The following NRK variants were observed in gnomAD, a reference collection of about 807,000 sequenced individuals.
NRK encodes Nik related kinase.
Under a neutral mutation model 125.2 loss-of-function variants are expected in NRK, and 67 were observed. That is an observed-to-expected ratio of 0.54 (90% confidence interval 0.44 to 0.66). NRK has a LOEUF of 0.66. NRK is among the 30% of genes least tolerant of loss of function. NRK has a pLI of 0.00. For synonymous variants in NRK, 458 were observed against 429.0 expected, an observed-to-expected ratio of 1.07 and a Z score of -0.84; for missense variants, 1,224 against 1,192.9, an observed-to-expected ratio of 1.03 and a Z score of -0.38.
Position 105,909,322 on chromosome X carries a change from G to A in NRK, c.1681G>A (p.Val561Ile). Reference protein sequence around the residue: ...EQNQAPEQPEVQEQAAEPAQA... With the variant: ...EQNQAPEQPEIQEQAAEPAQA... ...GAACCAGGCACCTGAACAGCCAGAGGTACAGGAACAGGCTGCCGAGCCTGC... is the reference window on the plus strand; with the variant it reads ...GAACCAGGCACCTGAACAGCCAGAGATACAGGAACAGGCTGCCGAGCCTGC... Residue 561 changes from valine to isoleucine, a missense_variant, in exon 13 of 29, where the codon GTA becomes ATA. Coordinates refer to ENST00000243300, the MANE Select transcript of NRK (RefSeq NM_198465.4). 1 of 1,206,307 alleles carries A rather than the reference G, an allele frequency of 8.3e-7. No individual in the cohort carries two copies. The highest frequency in any genetic ancestry group is 1.8e-5 in the South Asian group (1 of 56,281).
At chrX:105,940,092 A>G in intron 23 of NRK, 60 bp downstream of exon 23, 2 of 839,179 alleles carry the variant, frequency 2.4e-6, no homozygotes, top group Non-Finnish European at 3.4e-6. Context: ...CATTTGGTGA[A>G]CTACATAATT....
intron 7 of NRK, among the ~76,000 whole-genome samples, chrX:105,895,935 T>C (rs1367963707): frequency 8.9e-6 from 1 of 112,196 alleles, no homozygotes; most frequent in Non-Finnish European, 1.9e-5. Context: ...TTCTCAAGAA[T>C]ATCAAATAAC....
chrX:105,835,723 CTT>C (rs768824011), intron 2 of NRK, among the ~76,000 whole-genome samples: 35 of 108,638 alleles, frequency 3.2e-4, no homozygotes, highest in African/African-American at 1.1e-3. Context: ...GGGCTTAAGA[CTT>C]TTATTCATGA....
At chrX:105,832,471 C>T (rs1002100434) in intron 2 of NRK, among the ~76,000 whole-genome samples, 1 of 111,038 alleles carries the variant, frequency 9.0e-6, no homozygotes, top group Non-Finnish European at 1.9e-5. Context: ...TCTTTTTCCC[C>T]AGGCCTGTTG....
At chrX:105,835,846 A>G (rs1020225266) in intron 2 of NRK, among the ~76,000 whole-genome samples, 7 of 110,881 alleles carry the variant, frequency 6.3e-5, no homozygotes, top group African/African-American at 2.0e-4. Flanking sequence ...TCCTGTGTCT[A>G]TGGCTTCCAA....
intron 4 of NRK, among the ~76,000 whole-genome samples, chrX:105,885,766 G>C (rs1008414030): frequency 7.2e-5 from 8 of 111,780 alleles, no homozygotes; most frequent in African/African-American, 2.6e-4. Context: ...GTATAGTTCT[G>C]ATAGCGCTCG....
chrX:105,896,659 G>A (rs1320704544), intron 7 of NRK, among the ~76,000 whole-genome samples: 1 of 109,973 alleles, frequency 9.1e-6, no homozygotes, highest in African/African-American at 3.3e-5. Flanking sequence ...GGGCAACATA[G>A]CAAGACCCTA....
chrX:105,946,462 A>G lies in NRK; in HGVS notation c.4351A>G (p.Asn1451Asp). 8.6e-7 allele frequency: 1 copy of G among 1,167,840 alleles called. No homozygotes were observed. Among genetic ancestry groups the G allele is most frequent in the Non-Finnish European group, 1.2e-6 (1 of 862,719 alleles). Reference sequence around the variant, plus strand: ...TATGTCTGATGTGACCCTGCCAAAGAATGTAAGATAACACCTTCAGATTCC... The same window carrying G: ...TATGTCTGATGTGACCCTGCCAAAGGATGTAAGATAACACCTTCAGATTCC... Reference protein sequence around the residue: ...EVMSDVTLPKNPLEIIIPQNI... With the variant: ...EVMSDVTLPKDPLEIIIPQNI... Residue 1451 changes from asparagine to aspartate, a missense_variant and splice_region_variant, in exon 26 of 29, where the codon AAT becomes GAT. Physicochemically the swap from Asn to Asp is conservative, Grantham distance 23. Transcript: ENST00000243300.
chrX:105,950,536 G>C (rs1226573129), intron 27 of NRK, among the ~76,000 whole-genome samples: 1 of 83,932 alleles, frequency 1.2e-5, no homozygotes, highest in Non-Finnish European at 2.2e-5. Flanking sequence ...CAGTGTGTGT[G>C]TGTGTGTGTG....
At chrX:105,910,194 ATTAC>A (rs1310656112) in intron 13 of NRK, among the ~76,000 whole-genome samples, 2 of 112,271 alleles carry the variant, frequency 1.8e-5, no homozygotes, top group East Asian at 5.6e-4. Flanking sequence ...ATCTTTAAAA[ATTAC>A]TTTCATAGCT....
rs1407667614 is a variant in NRK at position 105,881,765 on chromosome X, G to T, written c.238G>T (p.Gly80Trp). Residue 80 changes from glycine (G) to tryptophan (W), a missense_variant, in exon 4 of 29, where the codon GGG becomes TGG. Coordinates refer to ENST00000243300, the MANE Select transcript of NRK (RefSeq NM_198465.4). ...VRVNKYQKSV[G>W]WRYSDEEEDL... ...AGTGAATAAATATCAAAAATCTGTTGGGTGGAGATACAGTGTGAGTACTAA... is the reference window on the plus strand; with the variant it reads ...AGTGAATAAATATCAAAAATCTGTTTGGTGGAGATACAGTGTGAGTACTAA... The T allele has an allele frequency of 4.5e-6, 5 of 1,121,856 alleles. No homozygotes were observed. The South Asian group carries it at 5.8e-5, about 13-fold the overall frequency. 92.5% of individuals were successfully genotyped at this position (1,121,856 alleles called of 1,213,427 possible).
chrX:105,919,238 TTC>T (rs770376850), intron 16 of NRK, among the ~76,000 whole-genome samples: 1 of 110,680 alleles, frequency 9.0e-6, no homozygotes, highest in East Asian at 2.9e-4. Context: ...GACCTGAGTT[TTC>T]TCTTAGTGAA....
In NRK at chrX:105,915,318, A is replaced by C. The variant is rs769828206; in HGVS notation, c.2350-412A>C. On this transcript the variant is annotated intron_variant, in intron 14 of 28. Coordinates refer to ENST00000243300, the MANE Select transcript of NRK (RefSeq NM_198465.4). ...AAGAATTAGAACTTAAATTCTGAGT[A>C]AGAAGTTTAAACTTGATATAAAAAG... 5.4e-5 allele frequency among the ~76,000 whole-genome samples: 6 copies of C among 111,106 alleles called. No homozygotes were observed. In the East Asian group the frequency reaches 1.1e-3, roughly 21 times the overall value.
At position 105,843,977 on chromosome X, in the gene NRK, CTGTG is replaced by C. The variant is rs751188822; in HGVS notation, c.123+12896_123+12899del. On this transcript the variant is annotated intron_variant, in intron 2 of 28. Transcript: ENST00000243300. Reference sequence around the variant, plus strand: ...ATGTTTATTTTGCAGGTCCTGCACTCTGTGTGTGTGTGTGTGTGTGTGTGTGTGT... The same window carrying C: ...ATGTTTATTTTGCAGGTCCTGCACTCTGTGTGTGTGTGTGTGTGTGTGTGT... Among the ~76,000 whole-genome samples the C allele has an allele frequency of 9.3e-3, 809 of 87,301 alleles. 7 individuals carry two copies. The highest frequency in any genetic ancestry group is 0.015 in the African/African-American group (328 of 22,162). The allele number at this position is 87,301 out of a possible 115,157, so 75.8% of individuals were successfully genotyped here.
chrX:105,827,453 T>C (rs1370451636), intron 1 of NRK, among the ~76,000 whole-genome samples: 1 of 111,789 alleles, frequency 8.9e-6, no homozygotes, highest in Non-Finnish European at 1.9e-5. Flanking sequence ...TTTGGTTCTG[T>C]GGATCAGCTT....
At chrX:105,928,080 T>TA (rs1451974271) in intron 19 of NRK, among the ~76,000 whole-genome samples, 1 of 111,517 alleles carries the variant, frequency 9.0e-6, no homozygotes, top group African/African-American at 3.3e-5. Flanking sequence ...AGTTCCTCTT[T>TA]AAATCTTTGG....
rs187422962 is a variant in NRK at position 105,924,868 on chromosome X, T to C, written c.3149T>C (p.Ile1050Thr). 336 of 1,209,160 alleles carry C rather than the reference T, an allele frequency of 2.8e-4. No homozygotes were observed. The highest frequency in any genetic ancestry group is 3.3e-4 in the Non-Finnish European group (297 of 894,776). ...IGDQEEHAAN[I>T]GSERRGSEGD... ...GATCAGGAAGAACATGCAGCCAATA[T>C]AGGCAGTGAAAGAAGAGGCAGTGAG... Residue 1050 changes from isoleucine (I) to threonine (T), a missense_variant, in exon 19 of 29, where the codon ATA becomes ACA. Coordinates refer to ENST00000243300, the MANE Select transcript of NRK (RefSeq NM_198465.4).
chrX:105,893,755 C>T, intron 5 of NRK, 77 bp from the exon 6 acceptor site: 1 of 586,311 alleles, frequency 1.7e-6, no homozygotes, highest in Non-Finnish European at 2.9e-6. Flanking sequence ...TAGATACAAG[C>T]CATATGGACT....
At chrX:105,868,658 T>C (rs2039702352) in intron 2 of NRK, among the ~76,000 whole-genome samples, 1 of 110,161 alleles carries the variant, frequency 9.1e-6, no homozygotes, top group African/African-American at 3.3e-5. Flanking sequence ...CATGTTGCAT[T>C]TTTCAGCTTG....
Sources: gnomAD v4.1 joint callset for allele counts (sites outside exome capture counted in the v4.1 genomes callset) on GRCh38, gnomAD v4.1.1 for gene constraint, MANE v1.5 for transcripts, NCBI Gene and HGNC (gene_info 2026-07-23, HGNC 2026-07-21) for gene names.